The following PLAC1 variants were observed in gnomAD, a reference collection of about 807,000 sequenced individuals.
The protein encoded by PLAC1 is placenta associated 1.
For missense variants in PLAC1, 136 were observed against 163.2 expected (o/e 0.83, Z 0.91); for synonymous variants, 68 against 62.1 (o/e 1.09, Z -0.44).
intron 2 of PLAC1, among the ~76,000 whole-genome samples, chrX:134,669,522 A>G (rs1184292878): frequency 8.9e-6 from 1 of 112,503 alleles, no homozygotes; most frequent in African/African-American, 3.2e-5. Context: ...AAAACACAAC[A>G]CTTGGTGGGG....
At chrX:134,749,136 A>G (rs1410130596) in intron 1 of PLAC1, among the ~76,000 whole-genome samples, 1 of 111,479 alleles carries the variant, frequency 9.0e-6, no homozygotes, top group Admixed American at 9.5e-5. Flanking sequence ...AGGCAACATG[A>G]TGAAACCCTG....
Position 134,751,051 on chromosome X carries a change from A to G in PLAC1, n.89+13183T>C, listed in dbSNP as rs777184269. On this transcript the variant is annotated intron_variant and non_coding_transcript_variant, in intron 1 of 2. Transcript: ENST00000466797. ...GGCAGGAGAATCGCTTGAACCCAGG[A>G]GGCAGAGGTTACAGTGAGCCAAGAT... 3.1e-4 allele frequency among the ~76,000 whole-genome samples: 26 copies of G among 84,872 alleles called. No individual in the cohort carries two copies. The East Asian group carries it at 7.2e-3, about 23-fold the overall frequency. The allele number at this position is 84,872 out of a possible 115,157, so 73.7% of individuals were successfully genotyped here. A position where few individuals can be genotyped will look rare whatever the true frequency, so the allele number is the denominator to read the frequency against.
chrX:134,648,942 T>C (rs1434323145), intron 1 of PLAC1, among the ~76,000 whole-genome samples: 2 of 111,327 alleles, frequency 1.8e-5, no homozygotes, highest in Admixed American at 9.5e-5. Flanking sequence ...TTGTTAAAAG[T>C]GAAATGATCT....
intron 2 of PLAC1, among the ~76,000 whole-genome samples, chrX:134,570,226 G>A (rs1256810439): frequency 1.8e-5 from 2 of 111,520 alleles, no homozygotes; most frequent in Admixed American, 1.9e-4. Context: ...GGAAGAATGG[G>A]ATCCCGAACA....
At chrX:134,734,248 CA>C (rs1374874553) in intron 1 of PLAC1, among the ~76,000 whole-genome samples, 1 of 112,949 alleles carries the variant, frequency 8.9e-6, no homozygotes, top group Non-Finnish European at 1.9e-5. Flanking sequence ...CCATCCAGGG[CA>C]AACTTCCACA....
At chrX:134,647,827 A>T (rs2078342177) in intron 1 of PLAC1, among the ~76,000 whole-genome samples, 1 of 111,603 alleles carries the variant, frequency 9.0e-6, no homozygotes, top group East Asian at 2.8e-4. Context: ...AAAACTTTGC[A>T]TTCAGGGGAA....
intron 2 of PLAC1, among the ~76,000 whole-genome samples, chrX:134,685,449 CTTT>C (rs200498313): frequency 8.1e-5 from 4 of 49,140 alleles, no homozygotes; most frequent in Non-Finnish European, 1.1e-4. Context: ...AATGGCGTCC[CTTT>C]TTTTTTTTTT....
At chrX:134,732,154 T>C (rs1171974225) in intron 2 of PLAC1, among the ~76,000 whole-genome samples, 3 of 111,325 alleles carry the variant, frequency 2.7e-5, no homozygotes, top group African/African-American at 9.8e-5. Flanking sequence ...CCTCTGACCC[T>C]ACCTCACTGC....
intron 1 of PLAC1, among the ~76,000 whole-genome samples, chrX:134,657,736 A>T (rs1266605535): frequency 9.0e-6 from 1 of 111,087 alleles, no homozygotes; most frequent in East Asian, 2.8e-4. Context: ...ATGGGAGAGA[A>T]TGAGACAAAG....
At chrX:134,724,786 T>G (rs985770155) in intron 2 of PLAC1, among the ~76,000 whole-genome samples, 2 of 111,898 alleles carry the variant, frequency 1.8e-5, no homozygotes, top group Admixed American at 1.9e-4. Context: ...GGGGATCATT[T>G]GAGCCCAGGA....
At chrX:134,729,952 C>T (rs761615488) in intron 2 of PLAC1, among the ~76,000 whole-genome samples, 1 of 110,373 alleles carries the variant, frequency 9.1e-6, no homozygotes, top group African/African-American at 3.3e-5. Context: ...CCACCACACC[C>T]GGCTAACTTT....
intron 2 of PLAC1, among the ~76,000 whole-genome samples, chrX:134,724,233 C>T (rs1160802204): frequency 8.9e-6 from 1 of 112,182 alleles, no homozygotes; most frequent in African/African-American, 3.2e-5. Context: ...ATTATTGTGC[C>T]ATTGTTAATT....
intron 2 of PLAC1, among the ~76,000 whole-genome samples, chrX:134,589,243 G>C (rs1273053868): frequency 2.7e-5 from 3 of 111,490 alleles, no homozygotes; most frequent in Non-Finnish European, 5.6e-5. Flanking sequence ...TTGTTCCCTT[G>C]GGGAAAATAA....
intron 1 of PLAC1, among the ~76,000 whole-genome samples, chrX:134,762,379 A>C (rs1207263126): frequency 1.8e-5 from 2 of 111,698 alleles, no homozygotes; most frequent in Non-Finnish European, 3.8e-5. Context: ...CCATGTAACC[A>C]TCACCCAGGT....
intron 2 of PLAC1, among the ~76,000 whole-genome samples, chrX:134,728,000 G>T (rs2078679090): frequency 8.9e-6 from 1 of 111,861 alleles, no homozygotes; most frequent in Non-Finnish European, 1.9e-5. Context: ...TAACTAAAAT[G>T]AAAAATTCAC....
intron 2 of PLAC1, among the ~76,000 whole-genome samples, chrX:134,685,405 C>CATGGAAATA (rs367958706): frequency 1.5e-4 from 15 of 99,400 alleles, no homozygotes; most frequent in African/African-American, 5.2e-4. Flanking sequence ...GGAGGTAAAA[C>CATGGAAATA]ATGGAAATAT....
intron 2 of PLAC1, among the ~76,000 whole-genome samples, chrX:134,580,031 T>C (rs974029874): frequency 8.9e-5 from 10 of 112,181 alleles, no homozygotes; most frequent in African/African-American, 3.2e-4. Flanking sequence ...GGAGCACCCT[T>C]GGGAGTAGAA....
At chrX:134,677,116 CT>C (rs1332679345) in intron 2 of PLAC1, among the ~76,000 whole-genome samples, 2 of 111,791 alleles carry the variant, frequency 1.8e-5, no homozygotes, top group African/African-American at 6.5e-5. Flanking sequence ...GGAAGGGGCC[CT>C]GGAAATATGG....
intron 2 of PLAC1, among the ~76,000 whole-genome samples, chrX:134,703,478 A>G (rs760214403): frequency 1.8e-5 from 2 of 111,676 alleles, no homozygotes; most frequent in East Asian, 5.6e-4. Context: ...CATTAAAATG[A>G]GATCTTTTAA....
Sources: allele counts gnomAD v4.1 joint callset (sites outside exome capture counted in the v4.1 genomes callset), GRCh38; gene constraint gnomAD v4.1.1; transcripts MANE v1.5; gene names NCBI Gene and HGNC (gene_info 2026-07-23, HGNC 2026-07-21).